DMD: variants seen among roughly 807,000 people sequenced by gnomAD.
DMD encodes the protein mutant dystrophin.
In DMD, 63 loss-of-function variants were observed where a neutral mutation model predicts 330.1. The observed-to-expected ratio is 0.19, with a 90% CI of 0.16 to 0.24. The LOEUF is 0.24. Ranked by LOEUF, DMD falls within the 10% of genes least tolerant of loss-of-function variation. The probability of loss-of-function intolerance (pLI) is 1.00; values close to 1 mark genes in which losing one functional copy is unlikely to be tolerated. For synonymous variants in DMD, 1,223 were observed against 959.8 expected (o/e 1.27, Z -5.07); for missense variants, 3,344 against 2,684.1 (o/e 1.25, Z -5.43).
chrX:32,180,406 A>G (rs897761209), intron 44 of DMD, among the ~76,000 whole-genome samples: 4 of 111,749 alleles, frequency 3.6e-5, no homozygotes, highest in Admixed American at 1.9e-4. Flanking sequence ...ATACTAAATG[A>G]GTAGGTGTTT....
intron 1 of DMD, among the ~76,000 whole-genome samples, chrX:33,330,266 T>C (rs1313364200): frequency 9.0e-6 from 1 of 111,193 alleles, no homozygotes; most frequent in Non-Finnish European, 1.9e-5. Flanking sequence ...AGGAGTTGGG[T>C]GTGAGGCTGG....
intron 60 of DMD, among the ~76,000 whole-genome samples, chrX:31,441,833 G>C (rs1312455289): frequency 1.8e-5 from 2 of 111,847 alleles, no homozygotes; most frequent in Non-Finnish European, 3.8e-5. Flanking sequence ...TTCTCTTTCT[G>C]AACAAGGCCT....
intron 44 of DMD, among the ~76,000 whole-genome samples, chrX:32,118,502 T>C (rs1363769206): frequency 9.0e-6 from 1 of 110,749 alleles, no homozygotes; most frequent in African/African-American, 3.3e-5. Flanking sequence ...TTTGGTTATA[T>C]ATTGATAACC....
intron 48 of DMD, among the ~76,000 whole-genome samples, chrX:31,865,001 G>A (rs112329430): frequency 0.014 from 1,557 of 112,065 alleles, 30 homozygotes; most frequent in African/African-American, 0.048. Flanking sequence ...AAACAATATC[G>A]TAAAGCCAGT....
chrX:31,339,977 C>T (rs2057636045), intron 61 of DMD, among the ~76,000 whole-genome samples: 1 of 112,714 alleles, frequency 8.9e-6, no homozygotes, highest in Admixed American at 9.4e-5. Flanking sequence ...GGTTGGAGCA[C>T]TGTTAAGTGA....
intron 11 of DMD, among the ~76,000 whole-genome samples, chrX:32,640,224 C>T (rs1404340904): frequency 2.8e-5 from 3 of 108,320 alleles, no homozygotes; most frequent in Non-Finnish European, 5.7e-5. Flanking sequence ...TATCTTTCTT[C>T]ACATTTTATA....
At chrX:31,240,941 A>AT (rs1004966696) in intron 63 of DMD, among the ~76,000 whole-genome samples, 64 of 106,689 alleles carry the variant, frequency 6.0e-4, no homozygotes, top group Middle Eastern at 5.0e-3. Flanking sequence ...CCTAAGCTTC[A>AT]TTTTTTTTTT....
At chrX:32,895,726 A>G (rs1383127103) in intron 2 of DMD, among the ~76,000 whole-genome samples, 2 of 111,558 alleles carry the variant, frequency 1.8e-5, no homozygotes, top group East Asian at 5.6e-4. Context: ...GTGGAAGTTT[A>G]AAAGCAGAAC....
intron 60 of DMD, among the ~76,000 whole-genome samples, chrX:31,388,957 T>A (rs2060580894): frequency 8.9e-6 from 1 of 112,433 alleles, no homozygotes; most frequent in Non-Finnish European, 1.9e-5. Flanking sequence ...AAGAGCTGAA[T>A]CTCAGCATCC....
intron 21 of DMD, among the ~76,000 whole-genome samples, chrX:32,476,724 T>C (rs2041272434): frequency 9.0e-6 from 1 of 111,176 alleles, no homozygotes; most frequent in Non-Finnish European, 1.9e-5. Flanking sequence ...AAAGAAAAAG[T>C]CTTATACAGA....
intron 44 of DMD, among the ~76,000 whole-genome samples, chrX:32,122,968 C>T (rs1481576349): frequency 9.3e-6 from 1 of 108,086 alleles, no homozygotes; most frequent in African/African-American, 3.4e-5. Flanking sequence ...TTCTAAAACA[C>T]AAAAAGAAAA....
At chrX:31,379,358 G>A (rs1258424319) in intron 60 of DMD, among the ~76,000 whole-genome samples, 3 of 110,513 alleles carry the variant, frequency 2.7e-5, no homozygotes, top group African/African-American at 1.0e-4. Context: ...CAAGGTTAAT[G>A]CTCCTTTTTC....
At chrX:31,584,376 G>A (rs1314697927) in intron 55 of DMD, among the ~76,000 whole-genome samples, 1 of 110,859 alleles carries the variant, frequency 9.0e-6, no homozygotes, top group African/African-American at 3.3e-5. Context: ...TTCTGTTCCT[G>A]TGTTAGTTTG....
intron 16 of DMD, among the ~76,000 whole-genome samples, chrX:32,554,629 T>C (rs2049955862): frequency 9.3e-6 from 1 of 107,734 alleles, no homozygotes; most frequent in Non-Finnish European, 1.9e-5. Flanking sequence ...ATAATAAATA[T>C]CCCACCAACC....
intron 7 of DMD, among the ~76,000 whole-genome samples, chrX:32,800,407 CATTGAG>C (rs978448995): frequency 9.0e-6 from 1 of 111,280 alleles, no homozygotes; most frequent in African/African-American, 3.3e-5. Context: ...TTTGAATCAT[CATTGAG>C]ATTATCTCCT....
At chrX:31,427,621 G>T (rs2148980086) in intron 60 of DMD, among the ~76,000 whole-genome samples, 1 of 112,111 alleles carries the variant, frequency 8.9e-6, no homozygotes, top group Non-Finnish European at 1.9e-5. Context: ...GTACTTAATT[G>T]CAAGTAGGAG....
intron 7 of DMD, among the ~76,000 whole-genome samples, chrX:32,757,625 A>G (rs2071670711): frequency 2.7e-5 from 3 of 110,728 alleles, no homozygotes; most frequent in African/African-American, 6.6e-5. Flanking sequence ...AGTTTCCCGG[A>G]ACATGCTTTC....
At chrX:31,441,144 C>T (rs752769235) in intron 60 of DMD, among the ~76,000 whole-genome samples, 2 of 112,394 alleles carry the variant, frequency 1.8e-5, no homozygotes, top group East Asian at 5.5e-4. Flanking sequence ...GACTCTTCTT[C>T]TTTTCTCAGG....
At chrX:31,691,392 G>A (rs2083111794) in intron 52 of DMD, among the ~76,000 whole-genome samples, 1 of 111,257 alleles carries the variant, frequency 9.0e-6, no homozygotes, top group Non-Finnish European at 1.9e-5. Flanking sequence ...AGACAACCAG[G>A]AAACAATGAA....
Sources: allele counts gnomAD v4.1 joint callset (sites outside exome capture counted in the v4.1 genomes callset), GRCh38; gene constraint gnomAD v4.1.1; transcripts MANE v1.5; gene names NCBI Gene and HGNC (gene_info 2026-07-23, HGNC 2026-07-21).